NRP2: variants seen among roughly 807,000 people sequenced by gnomAD.
The protein encoded by NRP2 is neuropilin-2.
NRP2 carries 52 observed loss-of-function variants against 110.4 expected under a neutral mutation model. The ratio of observed to expected loss-of-function variants is 0.47; its 90% CI spans 0.38 to 0.59. The LOEUF (loss-of-function observed/expected upper bound fraction) is 0.59, where lower values mean the gene tolerates loss of function less well. Among genes scored for constraint, NRP2 ranks in the 20% least tolerant of loss-of-function variants. The pLI is 0.00. For missense variants in NRP2, 1,049 were observed against 1,203.0 expected (o/e 0.87, Z 1.89); for synonymous variants, 508 against 468.9 (o/e 1.08, Z -1.08).
intron 7 of NRP2, among the ~76,000 whole-genome samples, chr2:205,739,479 T>A (rs995971964): frequency 6.6e-6 from 1 of 152,212 alleles, no homozygotes; most frequent in African/African-American, 2.4e-5. Context: ...ATGGTCTGAA[T>A]ATCAGGAGCC....
intron 10 of NRP2, among the ~76,000 whole-genome samples, chr2:205,747,506 C>G (rs955114605): frequency 6.6e-6 from 1 of 152,136 alleles, no homozygotes; most frequent in Admixed American, 6.5e-5. Flanking sequence ...AAAAGGTTCC[C>G]AAAGCAATGG....
At chr2:205,755,333 A>C (rs1323088025) in intron 12 of NRP2, among the ~76,000 whole-genome samples, 1 of 152,132 alleles carries the variant, frequency 6.6e-6, no homozygotes, top group South Asian at 2.1e-4. Context: ...GCTAAATCTA[A>C]TGTTGTTCCT....
intron 2 of NRP2, among the ~76,000 whole-genome samples, chr2:205,702,704 A>G (rs1042405196): frequency 1.3e-5 from 2 of 152,244 alleles, no homozygotes; most frequent in South Asian, 4.1e-4. Flanking sequence ...AGATCAGACC[A>G]GACCTTAGTC....
intron 12 of NRP2, among the ~76,000 whole-genome samples, chr2:205,760,091 G>A (rs1344378461): frequency 1.3e-5 from 2 of 152,228 alleles, no homozygotes; most frequent in African/African-American, 2.4e-5. Flanking sequence ...AAATGGAGAA[G>A]ATGGTATTTA....
intron 12 of NRP2, among the ~76,000 whole-genome samples, chr2:205,755,748 C>T (rs1306212775): frequency 6.6e-6 from 1 of 152,128 alleles, no homozygotes; most frequent in Non-Finnish European, 1.5e-5. Context: ...TGTTGTGTGC[C>T]ACACTTTGCC....
Position 205,683,263 on chromosome 2 carries a change from A to C in NRP2, c.-28A>C. 6.5e-7 allele frequency: 1 copy of C among 1,540,070 alleles called. No individual in the cohort carries two copies. The highest frequency in any genetic ancestry group is 9.0e-7 in the Non-Finnish European group (1 of 1,113,320). ...ATTTAAACAAGAAACCTACGAACCCAGCTCTGGAAAGAGCCACCTTCTCCA... is the reference window on the plus strand; with the variant it reads ...ATTTAAACAAGAAACCTACGAACCCCGCTCTGGAAAGAGCCACCTTCTCCA... On this transcript the variant is annotated 5_prime_UTR_variant, in exon 1 of 17. Coordinates refer to ENST00000357785, the MANE Select transcript of NRP2 (RefSeq NM_003872.3).
rs534213821 is a variant in NRP2 at position 205,724,824 on chromosome 2, G to A, written c.820+884G>A. 2.0e-5 allele frequency among the ~76,000 whole-genome samples: 3 copies of A among 151,938 alleles called. No homozygotes were observed. The South Asian group carries it at 6.2e-4, about 32-fold the overall frequency. ...TGGAACTACAGGCATGCGCCACCAT[G>A]CCCAGCTAATTTTTGTATTTTTAGC... On this transcript the variant is annotated intron_variant, in intron 5 of 16. Transcript: ENST00000357785.
At chr2:205,769,277 A>G (rs999164593) in intron 15 of NRP2, among the ~76,000 whole-genome samples, 6 of 152,144 alleles carry the variant, frequency 3.9e-5, no homozygotes, top group African/African-American at 1.4e-4. Context: ...TTATAAATTA[A>G]TCATGCAACA....
chr2:205,723,470 G>A (rs189308967), intron 4 of NRP2, among the ~76,000 whole-genome samples: 7 of 152,268 alleles, frequency 4.6e-5, no homozygotes, highest in South Asian at 2.1e-4. Flanking sequence ...AATCACATGC[G>A]CTCTCCAAAC....
At chr2:205,776,016 C>T (rs2058091026) in intron 15 of NRP2, 1 of 696,208 alleles carries the variant, frequency 1.4e-6, no homozygotes. Flanking sequence ...TCTGTTTCCT[C>T]ATCTGTAAAA....
intron 15 of NRP2, chr2:205,778,175 T>C (rs1025632016): frequency 2.0e-5 from 3 of 152,084 alleles, no homozygotes; most frequent in African/African-American, 7.2e-5. Context: ...GAAGTTTGCC[T>C]GGGCCAAAAG....
rs1359849777 is a variant in NRP2 at position 205,798,007 on chromosome 2, G to A, written c.*2949G>A. On this transcript the variant is annotated 3_prime_UTR_variant, in exon 17 of 17. Transcript: ENST00000357785. ...CCATTCACTGGCTGAGCCAGATCAC[G>A]GGAACTTGAGAGCTTTTACTGTGAT... 5.9e-5 allele frequency: 9 copies of A among 152,570 alleles called. No individual in the cohort carries two copies. The highest frequency in any genetic ancestry group is 1.9e-4 in the East Asian group (1 of 5,186). The allele number at this position is 152,570 out of a possible 1,614,324, so 9.5% of individuals were successfully genotyped here.
chr2:205,753,216 A>T (rs1037164154), intron 12 of NRP2, among the ~76,000 whole-genome samples: 1 of 152,200 alleles, frequency 6.6e-6, no homozygotes, highest in African/African-American at 2.4e-5. Context: ...GCGGAAGCCA[A>T]GATAGAAGAA....
chr2:205,728,089 A>C, intron 7 of NRP2, 43 bp downstream of exon 7: 1 of 1,612,772 alleles, frequency 6.2e-7, no homozygotes, highest in Middle Eastern at 1.6e-4. Context: ...GGACCAGGGC[A>C]GGAGGGATGG....
intron 3 of NRP2, 70 bp downstream of exon 3, chr2:205,716,444 G>T: frequency 6.6e-7 from 1 of 1,518,078 alleles, no homozygotes; most frequent in Non-Finnish European, 9.1e-7. Context: ...GCACCCAGTG[G>T]GCTGAGGCAC....
chr2:205,793,604 G>T (rs116036499), intron 16 of NRP2, among the ~76,000 whole-genome samples: 1,559 of 152,244 alleles, frequency 0.01, 29 homozygotes, highest in African/African-American at 0.036. Context: ...TGTAAGAAAG[G>T]ATCTATTCTA....
At chr2:205,722,205 AC>A (rs1382566806) in intron 3 of NRP2, 1 of 496,752 alleles carries the variant, frequency 2.0e-6, no homozygotes, top group Non-Finnish European at 3.7e-6. Context: ...ACACACACAC[AC>A]ACACACTTCT....
intron 2 of NRP2, among the ~76,000 whole-genome samples, chr2:205,704,404 T>G (rs1158210047): frequency 1.3e-5 from 2 of 152,224 alleles, no homozygotes; most frequent in Admixed American, 6.5e-5. Flanking sequence ...TATTATTTAC[T>G]GCCTGCCCAA....
intron 7 of NRP2, among the ~76,000 whole-genome samples, chr2:205,737,986 A>T (rs849582): frequency 1.3e-5 from 2 of 152,154 alleles, no homozygotes; most frequent in Non-Finnish European, 2.9e-5. Flanking sequence ...CGCCATCCCA[A>T]AGACAGTCCA....
Sources: allele counts gnomAD v4.1 joint callset (sites outside exome capture counted in the v4.1 genomes callset), GRCh38; gene constraint gnomAD v4.1.1; transcripts MANE v1.5; gene names NCBI Gene and HGNC (gene_info 2026-07-23, HGNC 2026-07-21).